The following CNOT6L variants were observed in gnomAD, a reference collection of about 807,000 sequenced individuals.
The protein encoded by CNOT6L is CCR4-NOT transcription complex subunit 6 like, also known as CCR4-NOT transcription complex subunit 6-like.
A neutral mutation model predicts 64.0 loss-of-function variants in CNOT6L; 7 were observed. The ratio of observed to expected loss-of-function variants is 0.11; its 90% CI spans 0.06 to 0.21. The LOEUF is 0.21. Among genes scored for constraint, CNOT6L ranks in the 10% least tolerant of loss-of-function variants. The pLI, the probability that CNOT6L is intolerant of heterozygous loss-of-function variation, is 1.00. For missense variants in CNOT6L, 245 were observed against 669.0 expected (o/e 0.37, Z 6.99); for synonymous variants, 193 against 243.4 (o/e 0.79, Z 1.93).
At chr4:77,762,511 AT>A (rs1400773332) in intron 4 of CNOT6L, among the ~76,000 whole-genome samples, 5 of 152,206 alleles carry the variant, frequency 3.3e-5, no homozygotes, top group African/African-American at 1.2e-4. Context: ...AGACATGCAT[AT>A]GCAAAATAAT....
At chr4:77,766,064 C>A (rs1323052187) in intron 4 of CNOT6L, among the ~76,000 whole-genome samples, 1 of 152,102 alleles carries the variant, frequency 6.6e-6, no homozygotes, top group African/African-American at 2.4e-5. Flanking sequence ...AACTTATGAG[C>A]TTTTAAGTAG....
At chr4:77,724,471 T>TG (rs1332267863) in intron 11 of CNOT6L, among the ~76,000 whole-genome samples, 1 of 152,036 alleles carries the variant, frequency 6.6e-6, no homozygotes, top group African/African-American at 2.4e-5. Context: ...AAACCCTGTC[T>TG]GTACTAAAAA....
At chr4:77,757,034 A>G in intron 4 of CNOT6L, 83 bp from the exon 5 acceptor site, 1 of 583,344 alleles carries the variant, frequency 1.7e-6, no homozygotes, top group Non-Finnish European at 2.9e-6. Context: ...ATAAAATACT[A>G]ATTTCTTAAA....
At position 77,736,757 on chromosome 4, in the gene CNOT6L, T is replaced by C. The variant is rs1577930178; in HGVS notation, c.873-5219A>G. On this transcript the variant is annotated intron_variant, in intron 8 of 11. Coordinates refer to ENST00000504123, the MANE Select transcript of CNOT6L (RefSeq NM_144571.3). ...TCATACTCTGTGACTGGTATACAGA[T>C]GCTAAAAGCATTATTCCTGATGATA... Among the ~76,000 whole-genome samples the C allele has an allele frequency of 2.0e-5, 3 of 152,190 alleles. No homozygotes were observed. The East Asian group carries it at 5.8e-4, about 29-fold the overall frequency.
chr4:77,773,162 A>T lies in CNOT6L; in HGVS notation c.319T>A (p.Leu107Met). 3 of 1,454,476 alleles carry T rather than the reference A, an allele frequency of 2.1e-6. No homozygotes were observed. Among genetic ancestry groups the T allele is most frequent in the Non-Finnish European group, 1.9e-6 (2 of 1,066,624 alleles). 90.1% of individuals were successfully genotyped at this position (1,454,476 alleles called of 1,614,324 possible). Reference protein sequence around the residue: ...ELGNMVSLRELLLNNNLLRVL... With the variant: ...ELGNMVSLREMLLNNNLLRVL... Reference sequence around the variant, plus strand: ...CGTAACAGATTGTTATTTAAAAGCAATTCCCTGTTTTAAAAAAAAAAAAAA... The same window carrying T: ...CGTAACAGATTGTTATTTAAAAGCATTTCCCTGTTTTAAAAAAAAAAAAAA... Residue 107 changes from leucine (L) to methionine (M), a missense_variant, in exon 4 of 12, where the codon TTG (leucine) becomes ATG (methionine). Around this residue, in one of 10 missense-constraint regions of CNOT6L, gnomAD observed 78 missense variants for 137.6 expected, o/e 0.57. Transcript: ENST00000504123.
At chr4:77,747,878 A>G (rs758581323) in intron 6 of CNOT6L, among the ~76,000 whole-genome samples, 10 of 152,190 alleles carry the variant, frequency 6.6e-5, no homozygotes, top group African/African-American at 1.2e-4. Context: ...AATGTTATCT[A>G]TCTCTCAAGA....
At chr4:77,809,073 C>T (rs571420356) in intron 1 of CNOT6L, among the ~76,000 whole-genome samples, 3 of 152,248 alleles carry the variant, frequency 2.0e-5, no homozygotes, top group South Asian at 2.1e-4. Flanking sequence ...ATTTAATCCT[C>T]ACAAAACTCT....
chr4:77,811,415 A>T (rs982816033), intron 1 of CNOT6L, among the ~76,000 whole-genome samples: 5 of 152,042 alleles, frequency 3.3e-5, no homozygotes, highest in African/African-American at 1.2e-4. Context: ...AAAGTACAAA[A>T]ATTAGCCTGT....
intron 1 of CNOT6L, among the ~76,000 whole-genome samples, chr4:77,778,946 C>G (rs1728485900): frequency 6.7e-6 from 1 of 148,886 alleles, no homozygotes; most frequent in Admixed American, 6.7e-5. Flanking sequence ...ACTCGGGAGG[C>G]TGAGGTAGGA....
chr4:77,771,076 T>C (rs1014839004), intron 4 of CNOT6L, among the ~76,000 whole-genome samples: 1 of 152,166 alleles, frequency 6.6e-6, no homozygotes, highest in Non-Finnish European at 1.5e-5. Context: ...TCCCAGCACT[T>C]TGAGAGGCTG....
At chr4:77,747,500 G>A (rs1322334013) in intron 6 of CNOT6L, among the ~76,000 whole-genome samples, 2 of 151,836 alleles carry the variant, frequency 1.3e-5, no homozygotes, top group African/African-American at 4.8e-5. Flanking sequence ...TTCTGTGACT[G>A]GTTTAATCTT....
chr4:77,729,668 A>C (rs1203314647), intron 9 of CNOT6L, among the ~76,000 whole-genome samples: 1 of 152,130 alleles, frequency 6.6e-6, no homozygotes, highest in Non-Finnish European at 1.5e-5. Flanking sequence ...CTTTCTTACT[A>C]ATTATTTTAT....
intron 11 of CNOT6L, among the ~76,000 whole-genome samples, chr4:77,721,919 T>C (rs1339648666): frequency 2.0e-5 from 3 of 151,112 alleles, no homozygotes; most frequent in African/African-American, 2.4e-5. Context: ...CTACTTATAA[T>C]TGTCCCACTG....
At chr4:77,760,859 G>GTTTTT (rs1205413604) in intron 4 of CNOT6L, among the ~76,000 whole-genome samples, 6 of 37,166 alleles carry the variant, frequency 1.6e-4, no homozygotes, top group Non-Finnish European at 2.2e-4. Flanking sequence ...ACCATGCCTG[G>GTTTTT]CTTTTTTTTT....
At chr4:77,725,094 G>T (rs1033355160) in intron 11 of CNOT6L, among the ~76,000 whole-genome samples, 1 of 152,058 alleles carries the variant, frequency 6.6e-6, no homozygotes. Flanking sequence ...ATGAACTATC[G>T]CTGGATTGAA....
At chr4:77,782,509 A>ATT (rs36169653) in intron 1 of CNOT6L, among the ~76,000 whole-genome samples, 256 of 148,092 alleles carry the variant, frequency 1.7e-3, no homozygotes, top group African/African-American at 3.4e-3. Flanking sequence ...ATTTTATTTT[A>ATT]TTTTTTTTTT....
chr4:77,794,168 A>AG (rs1356937597), intron 1 of CNOT6L, among the ~76,000 whole-genome samples: 1 of 150,480 alleles, frequency 6.6e-6, no homozygotes, highest in Non-Finnish European at 1.5e-5. Context: ...AAAAAAAAAA[A>AG]AAAAAAAAGA....
upstream of CNOT6L, among the ~76,000 whole-genome samples, chr4:77,820,174 A>T (rs914439482): frequency 5.9e-5 from 9 of 151,874 alleles, no homozygotes; most frequent in African/African-American, 2.2e-4. Flanking sequence ...GCCGGGGGAG[A>T]GGCGTCCGGG....
chr4:77,750,575 G>C (rs1001287526), intron 5 of CNOT6L, among the ~76,000 whole-genome samples: 1 of 151,966 alleles, frequency 6.6e-6, no homozygotes, highest in Non-Finnish European at 1.5e-5. Context: ...GGATGGTCTC[G>C]ATCTCCTGAT....
Sources: gnomAD v4.1 joint callset for allele counts (sites outside exome capture counted in the v4.1 genomes callset) on GRCh38, gnomAD v4.1.1 for gene constraint, gnomAD v4.1.1 regional missense constraint, MANE v1.5 for transcripts, NCBI Gene and HGNC (gene_info 2026-07-23, HGNC 2026-07-21) for gene names.